OTOGL: variants seen among roughly 807,000 people sequenced by gnomAD.
OTOGL encodes otogelin like.
Under a neutral mutation model 318.5 loss-of-function variants are expected in OTOGL, and 285 were observed. The ratio of observed to expected loss-of-function variants is 0.89; its 90% CI spans 0.81 to 0.99. The LOEUF (loss-of-function observed/expected upper bound fraction) is 0.99. OTOGL is among the 50% of genes least tolerant of loss of function. The pLI, the probability that OTOGL is intolerant of heterozygous loss-of-function variation, is 0.00. For missense variants in OTOGL, 2,899 were observed against 2,845.6 expected (o/e 1.02, Z -0.43); for synonymous variants, 987 against 936.5 (o/e 1.05, Z -0.99).
intron 1 of OTOGL, among the ~76,000 whole-genome samples, chr12:80,149,700 C>T (rs1348680064): frequency 2.0e-5 from 3 of 152,216 alleles, no homozygotes; most frequent in African/African-American, 4.8e-5. Context: ...TCTCAGACTG[C>T]TGTGCTAGCA....
intron 55 of OTOGL, among the ~76,000 whole-genome samples, chr12:80,368,523 T>C (rs746008423): frequency 2.4e-4 from 36 of 152,124 alleles, no homozygotes; most frequent in Admixed American, 7.2e-4. Context: ...CTCAAACTTA[T>C]TTTATCATAG....
chr12:80,355,912 A>G lies in OTOGL; in HGVS notation c.5770A>G (p.Ile1924Val), dbSNP rs1267797910. 3.1e-6 allele frequency: 5 copies of G among 1,613,842 alleles called. No homozygotes were observed. The African/African-American group carries it at 4.0e-5, about 13-fold the overall frequency. ...AGAAGCTGAAGTTGTCATGGGCATC[A>G]TTGATAAATGGACCTGCTGTTCAAA... The part of the protein sequence containing the change: ...EREAEVVMGI[I>V]DKWTCCSKEV... Residue 1924 changes from isoleucine to valine, a missense_variant, in exon 47 of 59, where the codon ATT becomes GTT. Transcript: ENST00000547103.
rs772707378 is a variant in OTOGL, at chr12:80,367,581, T to C, written c.6352T>C (p.Phe2118Leu). 6 of 1,535,984 alleles carry C rather than the reference T, an allele frequency of 3.9e-6. No individual in the cohort carries two copies. The African/African-American group carries it at 5.5e-5, about 14-fold the overall frequency. ...YLCEKDDVCVFQEVSVLNPGQ... is the reference protein window; with the variant it reads ...YLCEKDDVCVLQEVSVLNPGQ... ...CTTAGAAAAGGATGATGTGTGTGTA[T>C]TTCAAGAAGTATCAGTATTGAATCC... The change falls in exon 54 of 59, where the codon TTT (phenylalanine) becomes CTT (leucine). Residue 2118 changes from phenylalanine to leucine, a missense_variant. By Grantham distance (22) the Phe-to-Leu change is conservative. Around this residue, in one of 3 missense-constraint regions of OTOGL, gnomAD observed 289 missense variants for 304.6 expected, o/e 0.95. Coordinates refer to ENST00000547103, the MANE Select transcript of OTOGL (RefSeq NM_001378609.3).
chr12:80,134,811 C>A (rs914732562), intron 1 of OTOGL, among the ~76,000 whole-genome samples: 5 of 152,188 alleles, frequency 3.3e-5, no homozygotes, highest in Non-Finnish European at 7.3e-5. Context: ...AAGCCCAGGA[C>A]CCATAGGCAA....
rs569776056 is a variant in OTOGL at position 80,147,166 on chromosome 12, T to C, written c.-20+47561T>C. ...GATGTTAGGATGTCAATTTTGGATC[T>C]TTCCTGCTTTCTCCTGTGGGCATTT... On this transcript the variant is annotated intron_variant, in intron 1 of 58. Transcript: ENST00000547103. 5.7e-4 allele frequency among the ~76,000 whole-genome samples: 87 copies of C among 152,160 alleles called. 2 individuals carry two copies. The highest frequency in any genetic ancestry group is 5.4e-4 in the Non-Finnish European group (37 of 68,012).
At position 80,380,421 on chromosome 12, in the gene OTOGL, G is replaced by A. The variant is rs1333293572; in HGVS notation, c.*2373G>A. The A allele has an allele frequency of 7.9e-5, 12 of 151,418 alleles. No individual in the cohort carries two copies. The East Asian group carries it at 2.1e-3, about 27-fold the overall frequency. 9.4% of individuals were successfully genotyped at this position (151,418 alleles called of 1,614,324 possible). ...AGAACTCTTGAAAAAAATAACAAAA[G>A]GAAAAAATTAACAACCTGATAGAAA... On this transcript the variant is annotated 3_prime_UTR_variant, in exon 59 of 59. Transcript: ENST00000547103.
chr12:80,345,312 T>C (rs527630276), intron 44 of OTOGL, among the ~76,000 whole-genome samples: 5 of 147,380 alleles, frequency 3.4e-5, no homozygotes, highest in African/African-American at 5.1e-5. Flanking sequence ...CTCGGCTCAC[T>C]GAAGCCTCCA....
intron 1 of OTOGL, among the ~76,000 whole-genome samples, chr12:80,180,559 C>A (rs1000409985): frequency 5.9e-5 from 9 of 152,116 alleles, no homozygotes; most frequent in Non-Finnish European, 1.0e-4. Flanking sequence ...GAGAAAGGAG[C>A]CTTTTGTTGT....
chr12:80,272,811 C>G (rs1440557206), intron 24 of OTOGL, among the ~76,000 whole-genome samples: 1 of 151,988 alleles, frequency 6.6e-6, no homozygotes, highest in Non-Finnish European at 1.5e-5. Context: ...AAAGAAAGGA[C>G]ATAGGAGGCA....
chr12:80,157,731 G>T (rs191812015), intron 1 of OTOGL, among the ~76,000 whole-genome samples: 1 of 152,060 alleles, frequency 6.6e-6, no homozygotes, highest in Non-Finnish European at 1.5e-5. Context: ...AAATCAGTTC[G>T]CTGTAGGTGT....
At chr12:80,199,528 T>G (rs1423881635) in intron 1 of OTOGL, among the ~76,000 whole-genome samples, 1 of 152,234 alleles carries the variant, frequency 6.6e-6, no homozygotes, top group Non-Finnish European at 1.5e-5. Flanking sequence ...CTTCTGCTTA[T>G]CAATGGAATA....
chr12:80,132,381 G>C (rs769264510), intron 1 of OTOGL: 1 of 152,112 alleles, frequency 6.6e-6, no homozygotes, highest in Non-Finnish European at 1.5e-5. Flanking sequence ...AAATATGTGT[G>C]GACTGTACAT....
chr12:80,218,952 G>A (rs1399749839), intron 5 of OTOGL, among the ~76,000 whole-genome samples: 1 of 150,302 alleles, frequency 6.7e-6, no homozygotes, highest in African/African-American at 2.5e-5. Context: ...CTACCACCAT[G>A]CCTGGCAGCA....
At chr12:80,303,882 C>G in intron 28 of OTOGL, among the ~76,000 whole-genome samples, 1 of 152,182 alleles carries the variant, frequency 6.6e-6, no homozygotes, top group East Asian at 1.9e-4. Context: ...GACACAGAGC[C>G]AAGCCATGTT....
chr12:80,110,271 G>A (rs1382810229), intron 1 of OTOGL, among the ~76,000 whole-genome samples: 3 of 152,070 alleles, frequency 2.0e-5, no homozygotes, highest in Non-Finnish European at 4.4e-5. Flanking sequence ...GTTTCACCGT[G>A]TTAGCCAGGA....
intron 1 of OTOGL, among the ~76,000 whole-genome samples, chr12:80,134,705 T>G (rs1871441831): frequency 6.6e-6 from 1 of 152,158 alleles, no homozygotes; most frequent in African/African-American, 2.4e-5. Context: ...CCTCCCCCTT[T>G]CCCACCAAAG....
In OTOGL at chr12:80,239,459, G is replaced by A; in HGVS notation, c.1052+20G>A. 6.7e-7 allele frequency: 1 copy of A among 1,491,224 alleles called. No individual in the cohort carries two copies. The highest frequency in any genetic ancestry group is 9.1e-7 in the Non-Finnish European group (1 of 1,101,598). The allele number at this position is 1,491,224 out of a possible 1,614,324, so 92.4% of individuals were successfully genotyped here. On this transcript the variant is annotated intron_variant, in intron 11 of 58. Transcript: ENST00000547103. The stretch of plus-strand genomic sequence containing the variant: ...TTGCAAGTAAGTGAAATGACTTGTA[G>A]TTGTAATAAAATTTTCTTTATGCAA...
chr12:80,277,156 CATA>C, intron 24 of OTOGL, among the ~76,000 whole-genome samples: 1 of 145,348 alleles, frequency 6.9e-6, no homozygotes, highest in East Asian at 2.0e-4. Flanking sequence ...TAGATTAATT[CATA>C]ATAAAAAATT....
At chr12:80,244,335 C>A (rs370982057) in intron 11 of OTOGL, among the ~76,000 whole-genome samples, 8 of 121,420 alleles carry the variant, frequency 6.6e-5, no homozygotes, top group South Asian at 3.0e-4. Flanking sequence ...CCCACCCCAC[C>A]ACAGTCCCCA....
Sources: gnomAD v4.1 joint callset for allele counts (sites outside exome capture counted in the v4.1 genomes callset) on GRCh38, gnomAD v4.1.1 for gene constraint, gnomAD v4.1.1 regional missense constraint, MANE v1.5 for transcripts, NCBI Gene and HGNC (gene_info 2026-07-23, HGNC 2026-07-21) for gene names.